IQCE: variants seen among roughly 807,000 people sequenced by gnomAD.
The protein encoded by IQCE is IQ domain-containing protein E.
Under a neutral mutation model 96.0 loss-of-function variants are expected in IQCE, and 115 were observed. That is an observed-to-expected ratio of 1.20 (90% confidence interval 1.03 to 1.40). The LOEUF (loss-of-function observed/expected upper bound fraction) is 1.40, where lower values mean the gene tolerates loss of function less well. IQCE is among the 40% of genes most tolerant of loss of function. The pLI is 0.00. For missense variants in IQCE, 1,041 were observed against 909.1 expected, an observed-to-expected ratio of 1.15 and a Z score of -1.87; for synonymous variants, 412 against 371.2, an observed-to-expected ratio of 1.11 and a Z score of -1.26.
chr7:2,595,762 G>A (rs140094871), intron 16 of IQCE, among the ~76,000 whole-genome samples: 18 of 143,860 alleles, frequency 1.3e-4, no homozygotes, highest in Admixed American at 2.8e-4. Context: ...GCCATGCTCC[G>A]GTCACCATGG....
In IQCE at chr7:2,611,428, C is replaced by G. The variant is rs1415613949; in HGVS notation, c.*1266C>G. ...AATGGTTAGAAAGCCCCTTTTTACA[C>G]AGCTGACAGCTTCTCCCAAGGCTTC... On this transcript the variant is annotated 3_prime_UTR_variant, in exon 22 of 22. Transcript: ENST00000402050. The G allele has an allele frequency of 6.6e-6, 1 of 152,282 alleles. No homozygotes were observed. The allele number at this position is 152,282 out of a possible 1,614,324, so 9.4% of individuals were successfully genotyped here.
At position 2,601,428 on chromosome 7, in the gene IQCE, T is replaced by C. The variant is rs1178032821; in HGVS notation, c.1609-13T>C. The C allele has an allele frequency of 1.3e-6, 2 of 1,518,928 alleles. No homozygotes were observed. The highest frequency in any genetic ancestry group is 2.8e-5 in the African/African-American group (2 of 71,408). The allele number at this position is 1,518,928 out of a possible 1,614,324, so 94.1% of individuals were successfully genotyped here. On this transcript the variant is annotated splice_polypyrimidine_tract_variant and intron_variant, in intron 17 of 21. Coordinates refer to ENST00000402050, the MANE Select transcript of IQCE (RefSeq NM_152558.5). ...TTAATTCATGTATTTTTTCTTTCTT[T>C]TTTTTTTTCCAGAAAAAAAAGGCTG... is the stretch of plus-strand genomic sequence containing the variant.
chr7:2,565,271 G>A (rs1386289621), intron 1 of IQCE, among the ~76,000 whole-genome samples: 2 of 151,292 alleles, frequency 1.3e-5, no homozygotes, highest in African/African-American at 2.4e-5. Context: ...GTGTGTGTGC[G>A]CTGTGTATGA....
In IQCE at chr7:2,593,297, G is replaced by C. The variant is rs112549284; in HGVS notation, c.1349+171G>C. On this transcript the variant is annotated intron_variant, in intron 15 of 21. Transcript: ENST00000402050. ...CACCCAGCCCGGGACTAACCTCTTG[G>C]TGCTGAGCAGGGCCTGCCCTCTGGC... Among the ~76,000 whole-genome samples, 332 of 152,364 alleles carry C rather than the reference G, an allele frequency of 2.2e-3. 5 individuals carry two copies. Among genetic ancestry groups the C allele is most frequent in the African/African-American group, 6.9e-3 (286 of 41,582 alleles).
chr7:2,582,541 G>C, intron 8 of IQCE, 39 bp from the exon 9 acceptor site: 11 of 1,586,324 alleles, frequency 6.9e-6, no homozygotes, highest in Non-Finnish European at 9.5e-6. Flanking sequence ...CTGAGGGAGA[G>C]AGGGCGTGGC....
intron 14 of IQCE, 123 bp from the exon 15 acceptor site, chr7:2,592,899 C>T (rs1263833835): frequency 1.0e-5 from 11 of 1,069,352 alleles, no homozygotes; most frequent in Non-Finnish European, 1.2e-5. Context: ...TTGTGCTCCT[C>T]CTGCCCCACC....
At chr7:2,565,723 A>G (rs891700007) in intron 1 of IQCE, among the ~76,000 whole-genome samples, 5 of 152,194 alleles carry the variant, frequency 3.3e-5, no homozygotes, top group African/African-American at 9.7e-5. Flanking sequence ...CACTTTGCTA[A>G]AAGGAAAACT....
Position 2,610,226 on chromosome 7 carries a change from A to G in IQCE, c.*64A>G. 1.1e-6 allele frequency: 1 copy of G among 943,826 alleles called. No individual in the cohort carries two copies. The highest frequency in any genetic ancestry group is 1.3e-5 in the South Asian group (1 of 77,196). The allele number at this position is 943,826 out of a possible 1,614,324, so 58.5% of individuals were successfully genotyped here. A position where few individuals can be genotyped will look rare whatever the true frequency, so the allele number is the denominator to read the frequency against. On this transcript the variant is annotated 3_prime_UTR_variant, in exon 22 of 22. Transcript: ENST00000402050. ...CCGAGGACATAGGAACCACGACTGGAAAGATAATTTATCGTGTTAGGAGAA... is the reference window on the plus strand; with the variant it reads ...CCGAGGACATAGGAACCACGACTGGGAAGATAATTTATCGTGTTAGGAGAA...
chr7:2,597,054 G>A (rs967746669), intron 16 of IQCE: 2 of 471,334 alleles, frequency 4.2e-6, no homozygotes, highest in Non-Finnish European at 8.8e-6. Context: ...CCACGCAGGA[G>A]CGGCGCGTCG....
In IQCE at chr7:2,594,237, G is replaced by A. The variant is rs143442019; in HGVS notation, c.1350-649G>A. Among the ~76,000 whole-genome samples the A allele has an allele frequency of 4.0e-3, 608 of 152,284 alleles. 1 individual carries two copies. Among genetic ancestry groups the A allele is most frequent in the Admixed American group, 7.1e-3 (109 of 15,306 alleles). ...AGCATGCCACTGTCCTCTATCCTGG[G>A]TGACAGAGCGAGACTCTGTCTCAAA... On this transcript the variant is annotated intron_variant, in intron 15 of 21. Coordinates refer to ENST00000402050, the MANE Select transcript of IQCE (RefSeq NM_152558.5).
chr7:2,594,797 G>T (rs138653416), intron 15 of IQCE, 89 bp from the exon 16 acceptor site: 9 of 915,600 alleles, frequency 9.8e-6, no homozygotes, highest in South Asian at 9.3e-5. Flanking sequence ...CCCTGTCTCC[G>T]CCTGGACCGC....
intron 14 of IQCE, among the ~76,000 whole-genome samples, chr7:2,590,598 G>T (rs1252613794): frequency 6.6e-6 from 1 of 151,910 alleles, no homozygotes; most frequent in African/African-American, 2.4e-5. Flanking sequence ...GACTCCATCT[G>T]TACAAAAAAT....
rs1478518379 is a variant in IQCE, at chr7:2,607,144, C to A, written c.1886C>A (p.Thr629Asn). 6.2e-7 allele frequency: 1 copy of A among 1,607,128 alleles called. No homozygotes were observed. The highest frequency in any genetic ancestry group is 2.2e-5 in the East Asian group (1 of 44,446). The change falls in exon 21 of 22, where the codon ACC (threonine) becomes AAC (asparagine). Residue 629 changes from threonine (T) to asparagine (N), a missense_variant. By Grantham distance (65) the Thr-to-Asn change is moderately conservative (BLOSUM62 0). Coordinates refer to ENST00000402050, the MANE Select transcript of IQCE (RefSeq NM_152558.5). ...ARHSATGKRT[T>N]TAASTRRRSA... is the part of the protein sequence containing the mutation. ...TCCAGTGCTACCGGTAAAAGAACCA[C>A]CACCGCAGCTTCTACCAGGAGGAGA...
chr7:2,610,744 C>T lies in IQCE; in HGVS notation c.*582C>T, dbSNP rs1034971383. 8 of 153,528 alleles carry T rather than the reference C, an allele frequency of 5.2e-5. No individual in the cohort carries two copies. Among genetic ancestry groups the T allele is most frequent in the African/African-American group, 1.9e-4 (8 of 41,466 alleles). The allele number at this position is 153,528 out of a possible 1,614,324, so 9.5% of individuals were successfully genotyped here. ...CCAAATGATCTTACTCCATGCCCCA[C>T]CCGCTCACACCGTCCTTTCCCGTCA... On this transcript the variant is annotated 3_prime_UTR_variant, in exon 22 of 22. Coordinates refer to ENST00000402050, the MANE Select transcript of IQCE (RefSeq NM_152558.5).
In IQCE at chr7:2,611,517, C is replaced by T. The variant is rs909579902; in HGVS notation, c.*1355C>T. ...TGCAGCATGGCGGCCTTCTGAGTCA[C>T]CTAAGCTGAGCCTGGGTCATTCTCT... is the stretch of plus-strand genomic sequence containing the variant. On this transcript the variant is annotated 3_prime_UTR_variant, in exon 22 of 22. Transcript: ENST00000402050. The T allele has an allele frequency of 6.6e-6, 1 of 152,302 alleles. No individual in the cohort carries two copies. The highest frequency in any genetic ancestry group is 6.5e-5 in the Admixed American group (1 of 15,288). 9.4% of individuals were successfully genotyped at this position (152,302 alleles called of 1,614,324 possible).
At chr7:2,581,088 C>G (rs1202614188) in intron 8 of IQCE, among the ~76,000 whole-genome samples, 1 of 151,906 alleles carries the variant, frequency 6.6e-6, no homozygotes, top group Admixed American at 6.6e-5. Context: ...TGTGATCTGC[C>G]CACCTTGGCC....
intron 15 of IQCE, among the ~76,000 whole-genome samples, chr7:2,594,271 A>C (rs530229163): frequency 3.3e-4 from 50 of 152,344 alleles, no homozygotes; most frequent in African/African-American, 6.0e-4. Flanking sequence ...AACAAACAAA[A>C]AAAAAGAAAA....
chr7:2,593,034 G>A lies in IQCE; in HGVS notation c.1257G>A (p.Lys419=). 1 of 1,607,412 alleles carries A rather than the reference G, an allele frequency of 6.2e-7. No individual in the cohort carries two copies. The highest frequency in any genetic ancestry group is 2.2e-5 in the East Asian group (1 of 44,702). Residue 419 remains lysine, a synonymous_variant, in exon 15 of 22, where the codon AAG becomes AAA. Transcript: ENST00000402050. ...TTCTTGTGTGCAGTTTGGAGGTGAA[G>A]CAGCTCCTGCAGGCGAAGGCCGACC... ...EQLLQRDLEV[K]QLLQAKADLE...
intron 1 of IQCE, among the ~76,000 whole-genome samples, chr7:2,561,960 G>C (rs917778331): frequency 6.6e-6 from 1 of 152,192 alleles, no homozygotes; most frequent in Non-Finnish European, 1.5e-5. Context: ...AGAAAGGACA[G>C]CCTTGTCTTG....
Sources: allele counts gnomAD v4.1 joint callset (sites outside exome capture counted in the v4.1 genomes callset), GRCh38; gene constraint gnomAD v4.1.1; transcripts MANE v1.5; gene names NCBI Gene and HGNC (gene_info 2026-07-23, HGNC 2026-07-21).